SYNE1: variants seen among roughly 807,000 people sequenced by gnomAD.
SYNE1 encodes spectrin repeat containing nuclear envelope protein 1.
Under a neutral mutation model 1,111.0 loss-of-function variants are expected in SYNE1, and 616 were observed. That is an observed-to-expected ratio of 0.55 (90% CI 0.52 to 0.59). The LOEUF (loss-of-function observed/expected upper bound fraction) is 0.59, where lower values mean the gene tolerates loss of function less well. Ranked by LOEUF, SYNE1 falls within the 20% of genes least tolerant of loss-of-function variation. The pLI, the probability that SYNE1 is intolerant of heterozygous loss-of-function variation, is 0.00. For missense variants in SYNE1, 10,006 were observed against 10,417.0 expected, an observed-to-expected ratio of 0.96 and a Z score of 1.72; for synonymous variants, 3,855 against 3,825.8, an observed-to-expected ratio of 1.01 and a Z score of -0.28.
At chr6:152,623,543 A>G (rs1322897082) in intron 3 of SYNE1, among the ~76,000 whole-genome samples, 1 of 152,152 alleles carries the variant, frequency 6.6e-6, no homozygotes, top group Non-Finnish European at 1.5e-5. Flanking sequence ...TAAACTAAAG[A>G]GCTTCTACAC....
chr6:152,575,420 C>G (rs1053156201), intron 3 of SYNE1, among the ~76,000 whole-genome samples: 13 of 152,140 alleles, frequency 8.5e-5, no homozygotes, highest in African/African-American at 3.1e-4. Context: ...TGAGACAAGG[C>G]TTAGAGGTCT....
chr6:152,515,599 C>T (rs1284504618), intron 6 of SYNE1, among the ~76,000 whole-genome samples: 2 of 152,244 alleles, frequency 1.3e-5, no homozygotes, highest in African/African-American at 2.4e-5. Context: ...CTCTTCCAGA[C>T]AGGACGCAGG....
At chr6:152,613,120 T>G (rs1583436827) in intron 3 of SYNE1, among the ~76,000 whole-genome samples, 1 of 152,148 alleles carries the variant, frequency 6.6e-6, no homozygotes, top group East Asian at 1.9e-4. Context: ...CCACTCCTAT[T>G]CAACATAGTG....
At chr6:152,369,178 C>A (rs375854059) in intron 60 of SYNE1, 51 bp from the exon 61 acceptor site, 2 of 1,600,616 alleles carry the variant, frequency 1.2e-6, no homozygotes, top group Admixed American at 3.4e-5. Flanking sequence ...AAGCACATCG[C>A]GGACGAAGCT....
intron 133 of SYNE1, among the ~76,000 whole-genome samples, chr6:152,153,479 A>G (rs538468502): frequency 6.6e-6 from 1 of 152,256 alleles, no homozygotes; most frequent in Non-Finnish European, 1.5e-5. Context: ...TAATAAAATC[A>G]ATCATTATAG....
At chr6:152,470,553 G>A (rs2098800075) in intron 16 of SYNE1, among the ~76,000 whole-genome samples, 2 of 152,158 alleles carry the variant, frequency 1.3e-5, no homozygotes, top group South Asian at 4.1e-4. Context: ...TCTAGGGAAA[G>A]ATTTTACTGT....
chr6:152,312,480 T>C (rs2095585196), intron 87 of SYNE1, among the ~76,000 whole-genome samples: 1 of 150,964 alleles, frequency 6.6e-6, no homozygotes, highest in South Asian at 2.1e-4. Context: ...GTGCTGGGAT[T>C]ACAGATGTGA....
chr6:152,156,302 C>T (rs192851513), intron 131 of SYNE1, among the ~76,000 whole-genome samples: 124 of 152,198 alleles, frequency 8.1e-4, no homozygotes, highest in East Asian at 2.5e-3. Flanking sequence ...TTTGGCTATG[C>T]GAGCAATGCC....
intron 103 of SYNE1, among the ~76,000 whole-genome samples, 157 bp downstream of exon 103, chr6:152,255,434 A>C (rs1338389789): frequency 6.6e-6 from 1 of 152,238 alleles, no homozygotes; most frequent in Non-Finnish European, 1.5e-5. Context: ...AAGAATGAAA[A>C]TGCGAACTAT....
chr6:152,185,972 TA>T (rs2069739173), intron 128 of SYNE1, among the ~76,000 whole-genome samples: 1 of 152,200 alleles, frequency 6.6e-6, no homozygotes, highest in South Asian at 2.1e-4. Flanking sequence ...AAGAGAAACG[TA>T]AGTATGAGGA....
intron 127 of SYNE1, among the ~76,000 whole-genome samples, chr6:152,191,840 A>G (rs897569733): frequency 1.3e-5 from 2 of 151,212 alleles, no homozygotes; most frequent in Non-Finnish European, 3.0e-5. Context: ...TTGTTAGGTT[A>G]TTTATTTGAA....
chr6:152,275,096 G>A (rs376526240), intron 98 of SYNE1, among the ~76,000 whole-genome samples: 105 of 152,268 alleles, frequency 6.9e-4, no homozygotes, highest in African/African-American at 2.3e-3. Context: ...TTGTAGAGAT[G>A]GGGTTTTGCT....
intron 107 of SYNE1, among the ~76,000 whole-genome samples, chr6:152,241,233 T>A (rs1213738791): frequency 6.6e-6 from 1 of 152,230 alleles, no homozygotes; most frequent in Non-Finnish European, 1.5e-5. Flanking sequence ...TTTAAAGCAA[T>A]GTTTTCAAAG....
chr6:152,224,959 G>GTATATACATATATATGTA (rs1562311220), intron 116 of SYNE1, among the ~76,000 whole-genome samples: 2 of 145,336 alleles, frequency 1.4e-5, no homozygotes, highest in East Asian at 4.0e-4. Context: ...ATATATATGT[G>GTATATACATATATATGTA]TATATATATA....
intron 121 of SYNE1, among the ~76,000 whole-genome samples, chr6:152,216,328 C>T (rs1440316758): frequency 6.6e-6 from 1 of 152,064 alleles, no homozygotes; most frequent in Non-Finnish European, 1.5e-5. Flanking sequence ...AACAGTAGTC[C>T]CCTACTCACA....
intron 33 of SYNE1, 126 bp from the exon 34 acceptor site, chr6:152,434,071 T>C (rs772764630): frequency 1.3e-5 from 12 of 915,678 alleles, no homozygotes; most frequent in Admixed American, 8.1e-5. Flanking sequence ...GTTGAAACTA[T>C]TCACGCTAAA....
intron 84 of SYNE1, among the ~76,000 whole-genome samples, chr6:152,319,366 C>T (rs2095816048): frequency 6.6e-6 from 1 of 152,204 alleles, no homozygotes; most frequent in Non-Finnish European, 1.5e-5. Flanking sequence ...ACACAAACTC[C>T]TCTAAGCCTT....
chr6:152,471,694 A>C lies in SYNE1; in HGVS notation c.1535T>G (p.Leu512Arg). Residue 512 changes from leucine to arginine, a missense_variant, in exon 16 of 146, where the codon CTG (leucine) becomes CGG (arginine). By Grantham distance (102) the Leu-to-Arg change is moderately radical. This residue lies in a region of SYNE1 where 1,971 missense variants were observed against 2,084.1 expected (regional missense o/e 0.95). Transcript: ENST00000367255. ...CTCTGCAAGAACCAGCAGTGAGAGC[A>C]GACGGTACTTTAATTCTAAAAATTC... ...KMEFLELKYR[L>R]LSLLVLAESK... 2.5e-6 allele frequency: 4 copies of C among 1,614,038 alleles called. No individual in the cohort carries two copies. The highest frequency in any genetic ancestry group is 3.4e-6 in the Non-Finnish European group (4 of 1,179,896).
intron 16 of SYNE1, among the ~76,000 whole-genome samples, chr6:152,466,986 T>A (rs1346165938): frequency 6.6e-6 from 1 of 152,098 alleles, no homozygotes; most frequent in Non-Finnish European, 1.5e-5. Flanking sequence ...GATGAATGCT[T>A]AATATAGAGA....
Sources: allele counts gnomAD v4.1 joint callset (sites outside exome capture counted in the v4.1 genomes callset), GRCh38; gene constraint gnomAD v4.1.1; regional missense constraint gnomAD v4.1.1; transcripts MANE v1.5; gene names NCBI Gene and HGNC (gene_info 2026-07-23, HGNC 2026-07-21).